DNAH6: variants seen among roughly 807,000 people sequenced by gnomAD.
DNAH6 encodes axonemal beta dynein heavy chain 6.
DNAH6 carries 340 observed loss-of-function variants against 491.4 expected under a neutral mutation model. The ratio of observed to expected loss-of-function variants is 0.69; its 90% CI spans 0.63 to 0.76. The LOEUF (loss-of-function observed/expected upper bound fraction) is 0.76. DNAH6 is among the 30% of genes least tolerant of loss of function. The pLI is 0.00. For synonymous variants in DNAH6, 1,603 were observed against 1,686.1 expected (o/e 0.95, Z 1.21); for missense variants, 4,443 against 4,972.2 (o/e 0.89, Z 3.20).
intron 64 of DNAH6, among the ~76,000 whole-genome samples, chr2:84,771,285 T>G (rs1675578864): frequency 6.8e-6 from 1 of 147,252 alleles, no homozygotes; most frequent in Non-Finnish European, 1.5e-5. Context: ...CGAAACTCAG[T>G]CTCAAAAAAA....
chr2:84,745,077 C>T lies in DNAH6; in HGVS notation c.10343-3C>T, dbSNP rs74347026. On this transcript the variant is annotated splice_region_variant and splice_polypyrimidine_tract_variant and intron_variant, in intron 62 of 76. Transcript: ENST00000389394. ...AATTATCTTTTTTAAATTGTATTTC[C>T]AGGATCTTTTGAGACTTATATTAAC... 4.0e-3 allele frequency: 5,847 copies of T among 1,469,318 alleles called. 228 individuals are homozygous for T. The African/African-American group carries it at 0.077, about 19-fold the overall frequency. 91.0% of individuals were successfully genotyped at this position (1,469,318 alleles called of 1,614,324 possible). A position where few individuals can be genotyped will look rare whatever the true frequency, so the allele number is the denominator to read the frequency against.
At chr2:84,588,797 G>A (rs1169643732) in intron 15 of DNAH6, 29 bp from the exon 16 acceptor site, 4 of 1,490,188 alleles carry the variant, frequency 2.7e-6, no homozygotes, top group Non-Finnish European at 3.6e-6. Flanking sequence ...AGCAGGAATG[G>A]CTAACCAAAA....
the DNAH6 span, among the ~76,000 whole-genome samples, chr2:84,465,312 A>T: frequency 6.6e-6 from 1 of 152,056 alleles, no homozygotes; most frequent in African/African-American, 2.4e-5. Flanking sequence ...TGGCTAACAC[A>T]GTGAAACCTC....
chr2:84,815,582 G>A (rs1315244155), intron 75 of DNAH6, among the ~76,000 whole-genome samples: 3 of 152,162 alleles, frequency 2.0e-5, no homozygotes, highest in African/African-American at 7.2e-5. Context: ...CTGTCTTCTA[G>A]GAGGGCATCC....
chr2:84,668,437 T>C (rs920280553), intron 37 of DNAH6, among the ~76,000 whole-genome samples: 22 of 152,318 alleles, frequency 1.4e-4, no homozygotes, highest in African/African-American at 5.1e-4. Flanking sequence ...GCTGCCAGGA[T>C]GAAACTTCTG....
rs79995344 is a variant in DNAH6 at position 84,624,300 on chromosome 2, T to G, written c.4107T>G (p.Ser1369Arg). 6.4e-7 allele frequency: 1 copy of G among 1,551,062 alleles called. No individual in the cohort carries two copies. The highest frequency in any genetic ancestry group is 1.4e-5 in the African/African-American group (1 of 73,170). Reference sequence around the variant, plus strand: ...CCCTAGCTGCAATAGTTCAAGGCAGTCTTCCTAAATTACACAGAAACATCC... The same window carrying G: ...CCCTAGCTGCAATAGTTCAAGGCAGGCTTCCTAAATTACACAGAAACATCC... ...LNALAAIVQG[S>R]LPKLHRNILT... The change falls in exon 27 of 77, where the codon AGT (serine) becomes AGG (arginine). Residue 1369 changes from serine to arginine, a missense_variant. Ser to Arg is a moderately radical substitution (Grantham distance 110). Coordinates refer to ENST00000389394, the MANE Select transcript of DNAH6 (RefSeq NM_001370.2).
At chr2:84,669,116 T>C (rs1692468620) in intron 37 of DNAH6, among the ~76,000 whole-genome samples, 173 bp from the exon 38 acceptor site, 2 of 152,216 alleles carry the variant, frequency 1.3e-5, no homozygotes, top group South Asian at 4.1e-4. Context: ...TTGCATGATT[T>C]TGTTTAAATA....
the DNAH6 span, among the ~76,000 whole-genome samples, chr2:84,467,704 T>G: frequency 6.6e-6 from 1 of 152,200 alleles, no homozygotes; most frequent in Non-Finnish European, 1.5e-5. Flanking sequence ...TAAACATCCC[T>G]CCTTTTAAAC....
intron 70 of DNAH6, among the ~76,000 whole-genome samples, chr2:84,802,466 T>C (rs567074981): frequency 2.0e-4 from 30 of 152,282 alleles, no homozygotes; most frequent in Admixed American, 2.6e-4. Context: ...AAAGAGGGCA[T>C]GATATAATGA....
intron 15 of DNAH6, 85 bp downstream of exon 15, chr2:84,584,335 A>C: frequency 1.5e-6 from 2 of 1,320,092 alleles, no homozygotes. Flanking sequence ...CAACAGATAA[A>C]AATTGTATAT....
intron 10 of DNAH6, 47 bp downstream of exon 10, chr2:84,553,081 A>G (rs777773059): frequency 1.3e-5 from 15 of 1,143,038 alleles, no homozygotes; most frequent in Non-Finnish European, 1.9e-5. Context: ...CTATTTGGAA[A>G]ATGAAGCAGC....
chr2:84,618,600 C>A (rs1327128478), intron 23 of DNAH6, among the ~76,000 whole-genome samples: 1 of 147,900 alleles, frequency 6.8e-6, no homozygotes. Context: ...AAAAAGGACC[C>A]GTGATTGGAA....
intron 13 of DNAH6, among the ~76,000 whole-genome samples, chr2:84,577,744 C>T (rs1356291209): frequency 1.3e-5 from 2 of 152,102 alleles, no homozygotes; most frequent in South Asian, 4.1e-4. Flanking sequence ...TCTAGACCAC[C>T]GAGATCAAGT....
intron 63 of DNAH6, among the ~76,000 whole-genome samples, chr2:84,757,095 A>G (rs1434513998): frequency 6.6e-6 from 1 of 152,232 alleles, no homozygotes; most frequent in East Asian, 1.9e-4. Context: ...CTTATAGATT[A>G]TAAGAAATCC....
chr2:84,537,025 G>A (rs1010194252), intron 4 of DNAH6, among the ~76,000 whole-genome samples: 1 of 151,972 alleles, frequency 6.6e-6, no homozygotes, highest in Non-Finnish European at 1.5e-5. Flanking sequence ...ATATCAGTGT[G>A]CCTTATAAAA....
At chr2:84,703,289 C>A in intron 49 of DNAH6, 106 bp from the exon 50 acceptor site, 2 of 809,470 alleles carry the variant, frequency 2.5e-6, no homozygotes, top group Non-Finnish European at 3.6e-6. Flanking sequence ...ACTGATTTAA[C>A]AATTCTGTAG....
At chr2:84,730,631 G>A (rs908846547) in intron 61 of DNAH6, among the ~76,000 whole-genome samples, 7 of 152,198 alleles carry the variant, frequency 4.6e-5, no homozygotes, top group South Asian at 2.1e-4. Context: ...ATTCAAAACC[G>A]TCCTAGGCTG....
At chr2:84,695,035 T>G (rs1201777747) in intron 46 of DNAH6, among the ~76,000 whole-genome samples, 1 of 152,140 alleles carries the variant, frequency 6.6e-6, no homozygotes, top group African/African-American at 2.4e-5. Flanking sequence ...AGTGATAGAT[T>G]TGATGCATAA....
At chr2:84,603,834 A>G (rs1050166282) in intron 18 of DNAH6, among the ~76,000 whole-genome samples, 1 of 152,152 alleles carries the variant, frequency 6.6e-6, no homozygotes, top group African/African-American at 2.4e-5. Context: ...GCTAAGGCAG[A>G]TAAATTTGTT....
Sources: allele counts gnomAD v4.1 joint callset (sites outside exome capture counted in the v4.1 genomes callset), GRCh38; gene constraint gnomAD v4.1.1; transcripts MANE v1.5; gene names NCBI Gene and HGNC (gene_info 2026-07-23, HGNC 2026-07-21).